The following MTUS2 variants were observed in gnomAD, a reference collection of about 807,000 sequenced individuals.
MTUS2 encodes the protein microtubule-associated tumor suppressor candidate 2.
MTUS2 carries 40 observed loss-of-function variants against 114.1 expected under a neutral mutation model. The ratio of observed to expected loss-of-function variants is 0.35; its 90% CI spans 0.27 to 0.46. The LOEUF is 0.46. Among genes scored for constraint, MTUS2 ranks in the 20% least tolerant of loss-of-function variants. The pLI, the probability that MTUS2 is intolerant of heterozygous loss-of-function variation, is 1.00. For missense variants in MTUS2, 1,679 were observed against 1,705.4 expected, an observed-to-expected ratio of 0.98 and a Z score of 0.27; for synonymous variants, 688 against 672.0, an observed-to-expected ratio of 1.02 and a Z score of -0.37.
intron 7 of MTUS2, among the ~76,000 whole-genome samples, chr13:29,350,838 A>G (rs1869168028): frequency 6.7e-6 from 1 of 149,988 alleles, no homozygotes; most frequent in African/African-American, 2.5e-5. Flanking sequence ...TATTGCTCTC[A>G]TATTTCTTCT....
chr13:29,397,388 T>C (rs1873987611), intron 8 of MTUS2, among the ~76,000 whole-genome samples: 1 of 152,216 alleles, frequency 6.6e-6, no homozygotes, highest in South Asian at 2.1e-4. Flanking sequence ...CGCCTCTATT[T>C]TCTTCTACTG....
chr13:29,023,255 A>G (rs1886369436), intron 2 of MTUS2, among the ~76,000 whole-genome samples: 1 of 152,214 alleles, frequency 6.6e-6, no homozygotes, highest in Non-Finnish European at 1.5e-5. Context: ...TGCAGAGCAG[A>G]GGGTGAGGTG....
At chr13:29,149,925 T>G (rs1048639935) in intron 5 of MTUS2, among the ~76,000 whole-genome samples, 1 of 152,048 alleles carries the variant, frequency 6.6e-6, no homozygotes, top group African/African-American at 2.4e-5. Flanking sequence ...AGCCTTGTAG[T>G]ATATAGTTTG....
At chr13:29,233,973 G>A (rs938991641) in intron 5 of MTUS2, among the ~76,000 whole-genome samples, 2 of 152,116 alleles carry the variant, frequency 1.3e-5, no homozygotes, top group Admixed American at 6.5e-5. Flanking sequence ...GAGAAGCTAC[G>A]TAGGACTAAG....
chr13:29,472,093 C>T (rs1034790233), intron 9 of MTUS2, among the ~76,000 whole-genome samples: 4 of 152,114 alleles, frequency 2.6e-5, no homozygotes, highest in South Asian at 4.1e-4. Context: ...GGCATGATCT[C>T]GGCTCACTGT....
Position 29,480,786 on chromosome 13 carries a change from C to T in MTUS2, c.3399+422C>T, listed in dbSNP as rs1881107022. ...TAACACATACATTTTTGCTTTTCTA[C>T]CTTATTTATCATCTTTCTATTCCAT... is the stretch of plus-strand genomic sequence containing the variant. On this transcript the variant is annotated intron_variant, in intron 10 of 15. Transcript: ENST00000612955. The surrounding 1 kb of genome is among the most constrained non-coding windows in gnomAD (Gnocchi z 4.4). Among the ~76,000 whole-genome samples the T allele has an allele frequency of 6.6e-6, 1 of 152,100 alleles. No homozygotes were observed. Among genetic ancestry groups the T allele is most frequent in the South Asian group, 2.1e-4 (1 of 4,824 alleles).
intron 2 of MTUS2, among the ~76,000 whole-genome samples, chr13:28,955,477 A>G (rs1296691308): frequency 1.3e-5 from 2 of 152,128 alleles, no homozygotes; most frequent in Non-Finnish European, 2.9e-5. Flanking sequence ...CTCACTATAA[A>G]TAGCTTAATG....
intron 5 of MTUS2, among the ~76,000 whole-genome samples, chr13:29,257,081 C>A (rs950308823): frequency 6.6e-6 from 1 of 152,314 alleles, no homozygotes; most frequent in Middle Eastern, 3.4e-3. Context: ...TGGGACACTG[C>A]TTAGCTGGGA....
intron 9 of MTUS2, among the ~76,000 whole-genome samples, chr13:29,455,554 C>T (rs1363113423): frequency 1.3e-5 from 2 of 152,192 alleles, no homozygotes; most frequent in Non-Finnish European, 2.9e-5. Flanking sequence ...ACAACACACT[C>T]AATGCCCATT....
intron 8 of MTUS2, among the ~76,000 whole-genome samples, chr13:29,360,259 G>T (rs1448482662): frequency 6.6e-6 from 1 of 152,196 alleles, no homozygotes; most frequent in African/African-American, 2.4e-5. Flanking sequence ...ATGGGAGGAA[G>T]TAAAAGTGCT....
intron 4 of MTUS2, among the ~76,000 whole-genome samples, chr13:29,045,068 G>C (rs191688281): frequency 1.3e-5 from 2 of 152,112 alleles, no homozygotes; most frequent in African/African-American, 4.8e-5. Context: ...ATGACCAGCT[G>C]GAGAAAACTC....
intron 8 of MTUS2, among the ~76,000 whole-genome samples, chr13:29,416,777 A>G (rs1391337902): frequency 6.6e-6 from 1 of 152,142 alleles, no homozygotes; most frequent in Non-Finnish European, 1.5e-5. Context: ...CTTGCTCTGA[A>G]TATCGAATAC....
Position 29,505,744 on chromosome 13 carries a change from G to A in MTUS2, c.*2538G>A, listed in dbSNP as rs1883197200. On this transcript the variant is annotated 3_prime_UTR_variant, in exon 16 of 16. Coordinates refer to ENST00000612955, the MANE Select transcript of MTUS2 (RefSeq NM_001033602.4). ...CGTGGCATTTGGGAGATGCGTGGGC[G>A]GCCTGCCCCCCGACCGCCGCCCCTG... The A allele has an allele frequency of 1.3e-5, 3 of 229,218 alleles. No homozygotes were observed. Among genetic ancestry groups the A allele is most frequent in the East Asian group, 6.2e-5 (1 of 16,174 alleles). The allele number at this position is 229,218 out of a possible 1,614,324, so 14.2% of individuals were successfully genotyped here.
chr13:29,432,007 G>C (rs576641288), intron 8 of MTUS2, among the ~76,000 whole-genome samples: 5 of 133,322 alleles, frequency 3.8e-5, no homozygotes, highest in African/African-American at 1.4e-4. Flanking sequence ...ACCACGCTCA[G>C]CTATTTTTTT....
At chr13:29,191,093 C>G (rs9551615) in intron 5 of MTUS2, among the ~76,000 whole-genome samples, 85,777 of 151,840 alleles carry the variant, frequency 0.56, 24,434 homozygotes, top group Admixed American at 0.57. Context: ...GTCAGATATA[C>G]TTGTCCGTCT....
At chr13:29,247,747 AT>A in intron 5 of MTUS2, among the ~76,000 whole-genome samples, 1 of 152,348 alleles carries the variant, frequency 6.6e-6, no homozygotes, top group Non-Finnish European at 1.5e-5. Context: ...AAATCAAAAA[AT>A]AATAGATGTT....
At chr13:29,002,743 A>G (rs1328632070) in intron 2 of MTUS2, among the ~76,000 whole-genome samples, 1 of 152,222 alleles carries the variant, frequency 6.6e-6, no homozygotes, top group East Asian at 1.9e-4. Context: ...TGAAAATATT[A>G]GATTACTTTT....
chr13:29,421,258 G>A (rs1369757346), intron 8 of MTUS2, among the ~76,000 whole-genome samples: 2 of 152,020 alleles, frequency 1.3e-5, no homozygotes, highest in East Asian at 3.8e-4. Flanking sequence ...TATTTTCCTG[G>A]CCCTGGCAGT....
intron 5 of MTUS2, among the ~76,000 whole-genome samples, chr13:29,204,716 A>C (rs2139254300): frequency 6.6e-6 from 1 of 152,330 alleles, no homozygotes; most frequent in African/African-American, 2.4e-5. Context: ...ACAGCAGTGT[A>C]GTAGTCGGAA....
Sources: allele counts gnomAD v4.1 joint callset (sites outside exome capture counted in the v4.1 genomes callset), GRCh38; gene constraint gnomAD v4.1.1; non-coding constraint Gnocchi (gnomAD v3.1); transcripts MANE v1.5; gene names NCBI Gene and HGNC (gene_info 2026-07-23, HGNC 2026-07-21).